Variants in CTNNA3 observed in about 807,000 individuals in gnomAD.
CTNNA3 encodes the protein catenin alpha-3.
In CTNNA3, 76 loss-of-function variants were observed where a neutral mutation model predicts 95.7. The ratio of observed to expected loss-of-function variants is 0.79; its 90% CI spans 0.66 to 0.96. The LOEUF is 0.96. Among genes scored for constraint, CTNNA3 ranks in the 40% least tolerant of loss-of-function variants. CTNNA3 has a pLI of 0.00. For synonymous variants in CTNNA3, 431 were observed against 374.4 expected (o/e 1.15, Z -1.74); for missense variants, 1,191 against 1,089.8 (o/e 1.09, Z -1.31).
chr10:67,480,669 C>A (rs1848183527), intron 5 of CTNNA3, among the ~76,000 whole-genome samples: 1 of 152,224 alleles, frequency 6.6e-6, no homozygotes, highest in East Asian at 1.9e-4. Context: ...TTTAGCTAAT[C>A]TATAACCTAT....
At position 66,614,947 on chromosome 10, in the gene CTNNA3, T is replaced by C. The variant is rs887288683; in HGVS notation, c.1374+6745A>G. Among the ~76,000 whole-genome samples the C allele has an allele frequency of 9.9e-5, 15 of 152,068 alleles. 1 individual carries two copies. The highest frequency in any genetic ancestry group is 3.6e-4 in the African/African-American group (15 of 41,442). On this transcript the variant is annotated intron_variant, in intron 10 of 17. Transcript: ENST00000433211. Reference sequence around the variant, plus strand: ...TTTGTTAATTAGTGAATCTTATTTATGGAAAGAACACTTAAGAGGATCTAA... The same window carrying C: ...TTTGTTAATTAGTGAATCTTATTTACGGAAAGAACACTTAAGAGGATCTAA...
chr10:66,799,466 A>C (rs576854052), intron 7 of CTNNA3, among the ~76,000 whole-genome samples: 1 of 151,758 alleles, frequency 6.6e-6, no homozygotes, highest in African/African-American at 2.4e-5. Flanking sequence ...ATCTGAAGTT[A>C]AGAACTTATT....
chr10:66,345,482 A>T (rs943117230), intron 12 of CTNNA3, among the ~76,000 whole-genome samples: 8 of 152,234 alleles, frequency 5.3e-5, no homozygotes, highest in Non-Finnish European at 1.0e-4. Context: ...TCTGAAGGGA[A>T]TTACTGTATA....
intron 9 of CTNNA3, among the ~76,000 whole-genome samples, chr10:66,647,511 C>CTTTTTTTTTTTTTTT (rs59117038): frequency 6.8e-6 from 1 of 146,486 alleles, no homozygotes. Flanking sequence ...AAAAATTACT[C>CTTTTTTTTTTTTTTT]TTTTTTTTTT....
chr10:66,414,594 T>C (rs1448485228), intron 11 of CTNNA3, among the ~76,000 whole-genome samples: 1 of 152,174 alleles, frequency 6.6e-6, no homozygotes, highest in African/African-American at 2.4e-5. Context: ...AATATGGTCA[T>C]GGTCCTTCAC....
At chr10:66,703,748 C>A (rs1848028325) in intron 9 of CTNNA3, among the ~76,000 whole-genome samples, 3 of 152,110 alleles carry the variant, frequency 2.0e-5, no homozygotes, top group Non-Finnish European at 4.4e-5. Flanking sequence ...TCCTTGGAAT[C>A]CTTAATTTTT....
At chr10:66,254,438 G>A (rs770970775) in intron 13 of CTNNA3, among the ~76,000 whole-genome samples, 3 of 152,012 alleles carry the variant, frequency 2.0e-5, no homozygotes, top group Admixed American at 6.5e-5. Context: ...TGGCTAATAC[G>A]GTTCAAAATA....
chr10:66,444,980 T>A (rs1197444330), intron 11 of CTNNA3, among the ~76,000 whole-genome samples: 1 of 151,750 alleles, frequency 6.6e-6, no homozygotes, highest in Non-Finnish European at 1.5e-5. Context: ...TGGAGGAAGA[T>A]CTACCAAGCA....
intron 7 of CTNNA3, among the ~76,000 whole-genome samples, chr10:66,815,744 T>G (rs1001686703): frequency 5.3e-5 from 8 of 152,002 alleles, no homozygotes; most frequent in Admixed American, 2.0e-4. Context: ...TGCCACATAA[T>G]CGAAACGTGG....
At chr10:66,207,360 GA>G (rs2087829269) in intron 13 of CTNNA3, among the ~76,000 whole-genome samples, 1 of 151,858 alleles carries the variant, frequency 6.6e-6, no homozygotes, top group African/African-American at 2.4e-5. Context: ...TACTGTATGG[GA>G]TTGGTACCCT....
chr10:67,211,764 G>C (rs1468237351), intron 6 of CTNNA3, among the ~76,000 whole-genome samples: 2 of 152,134 alleles, frequency 1.3e-5, no homozygotes, highest in African/African-American at 4.8e-5. Context: ...TTTGGAAAGA[G>C]TAATTGTTGG....
At chr10:67,244,872 C>T (rs1045973837) in intron 5 of CTNNA3, among the ~76,000 whole-genome samples, 27 of 152,112 alleles carry the variant, frequency 1.8e-4, no homozygotes, top group African/African-American at 5.8e-4. Context: ...ACTATTCTTA[C>T]GGTATTTAAC....
At chr10:66,567,988 T>C (rs1283323100) in intron 10 of CTNNA3, among the ~76,000 whole-genome samples, 1 of 152,176 alleles carries the variant, frequency 6.6e-6, no homozygotes, top group Non-Finnish European at 1.5e-5. Context: ...AATATAGAGA[T>C]TGTGTTCAAA....
intron 11 of CTNNA3, among the ~76,000 whole-genome samples, chr10:66,398,748 A>G (rs1009885370): frequency 6.6e-6 from 1 of 152,014 alleles, no homozygotes; most frequent in South Asian, 2.1e-4. Context: ...TTGAATGAAG[A>G]TATGAAATTT....
chr10:67,200,774 A>G (rs1307554953), intron 6 of CTNNA3, among the ~76,000 whole-genome samples: 2 of 152,176 alleles, frequency 1.3e-5, no homozygotes, highest in Non-Finnish European at 2.9e-5. Flanking sequence ...CGTTTCACAA[A>G]AACAACTGTA....
chr10:66,817,382 C>T (rs1393318285), intron 7 of CTNNA3, among the ~76,000 whole-genome samples: 1 of 151,814 alleles, frequency 6.6e-6, no homozygotes, highest in Non-Finnish European at 1.5e-5. Context: ...AAAAATTAGT[C>T]CTTTGAAAAG....
chr10:66,849,647 A>T (rs1441087052), intron 7 of CTNNA3, among the ~76,000 whole-genome samples: 1 of 152,154 alleles, frequency 6.6e-6, no homozygotes, highest in African/African-American at 2.4e-5. Context: ...ACAGAGAATA[A>T]GGCCATGTAA....
intron 5 of CTNNA3, among the ~76,000 whole-genome samples, chr10:67,306,847 A>G (rs1222221709): frequency 6.6e-6 from 1 of 152,192 alleles, no homozygotes; most frequent in Non-Finnish European, 1.5e-5. Flanking sequence ...CATCCAAGGT[A>G]AAACCCTTCA....
In CTNNA3 at chr10:66,443,861, C is replaced by T. The variant is rs928351713; in HGVS notation, c.1532-64509G>A. Among the ~76,000 whole-genome samples the T allele has an allele frequency of 1.0e-3, 155 of 151,964 alleles. 1 individual carries two copies. The highest frequency in any genetic ancestry group is 3.5e-3 in the African/African-American group (146 of 41,486). On this transcript the variant is annotated intron_variant, in intron 11 of 17. Coordinates refer to ENST00000433211, the MANE Select transcript of CTNNA3 (RefSeq NM_013266.4). Reference sequence around the variant, plus strand: ...TGAGTTGAGAGAAGAAGGCTTCAGACGATCAAACTACTCCGAGCTACAGGA... The same window carrying T: ...TGAGTTGAGAGAAGAAGGCTTCAGATGATCAAACTACTCCGAGCTACAGGA...
Sources: allele counts gnomAD v4.1 joint callset (sites outside exome capture counted in the v4.1 genomes callset), GRCh38; gene constraint gnomAD v4.1.1; transcripts MANE v1.5; gene names NCBI Gene and HGNC (gene_info 2026-07-23, HGNC 2026-07-21).